The following CCDC88C variants were observed in gnomAD, a reference collection of about 807,000 sequenced individuals.
The protein encoded by CCDC88C is coiled-coil and HOOK domain protein 88C.
CCDC88C carries 131 observed loss-of-function variants against 198.8 expected under a neutral mutation model. The observed-to-expected ratio is 0.66, with a 90% CI of 0.57 to 0.76. CCDC88C has a LOEUF of 0.76. CCDC88C is among the 30% of genes least tolerant of loss of function. The pLI is 0.00. For synonymous variants in CCDC88C, 1,166 were observed against 1,114.7 expected (o/e 1.05, Z -0.92); for missense variants, 2,553 against 2,631.6 (o/e 0.97, Z 0.65).
intron 22 of CCDC88C, among the ~76,000 whole-genome samples, chr14:91,295,283 A>G (rs147769470): frequency 5.4e-4 from 82 of 152,260 alleles, no homozygotes; most frequent in Non-Finnish European, 1.0e-3. Context: ...AGGTGAAGCT[A>G]TGGCATTTTT....
At chr14:91,377,545 G>GCC (rs1010270955) in intron 3 of CCDC88C, among the ~76,000 whole-genome samples, 1 of 149,994 alleles carries the variant, frequency 6.7e-6, no homozygotes, top group East Asian at 1.9e-4. Flanking sequence ...AATGCAGATG[G>GCC]CCCCCCCCCG....
chr14:91,360,252 T>TCA (rs57026211), intron 3 of CCDC88C, among the ~76,000 whole-genome samples: 2,425 of 144,266 alleles, frequency 0.017, 51 homozygotes, highest in African/African-American at 0.035. Flanking sequence ...GACCCCATCT[T>TCA]CACACACACA....
At chr14:91,350,328 T>C (rs1260949741) in intron 4 of CCDC88C, among the ~76,000 whole-genome samples, 1 of 151,956 alleles carries the variant, frequency 6.6e-6, no homozygotes, top group Non-Finnish European at 1.5e-5. Context: ...GCCTGGCTAA[T>C]TTTTGTATTT....
intron 25 of CCDC88C, among the ~76,000 whole-genome samples, chr14:91,286,611 T>C (rs1296855858): frequency 2.0e-5 from 3 of 152,256 alleles, no homozygotes; most frequent in East Asian, 3.8e-4. Flanking sequence ...ATTTCCATTA[T>C]TTCTTCCTCC....
intron 2 of CCDC88C, among the ~76,000 whole-genome samples, chr14:91,415,299 T>A (rs902298961): frequency 2.6e-5 from 4 of 152,078 alleles, no homozygotes; most frequent in African/African-American, 9.7e-5. Context: ...CAGATTTATG[T>A]TTTTCAATCT....
chr14:91,285,689 GAGAA>G, intron 25 of CCDC88C: 3 of 1,288,906 alleles, frequency 2.3e-6, no homozygotes, highest in Non-Finnish European at 3.0e-6. Flanking sequence ...TCCAATGTCG[GAGAA>G]AGAGAGAGGC....
rs757971736 is a variant in CCDC88C at position 91,314,065 on chromosome 14, C to A, written c.1751G>T (p.Arg584Leu). ...RERSQVSSEARMKDVEKENKA... is the reference protein window; with the variant it reads ...RERSQVSSEALMKDVEKENKA... Reference sequence around the variant, plus strand: ...GTTCTCCTTCTCCACGTCTTTCATGCGGGCCTCACTGCTGACCTGCGACCT... The same window carrying A: ...GTTCTCCTTCTCCACGTCTTTCATGAGGGCCTCACTGCTGACCTGCGACCT... Residue 584 changes from arginine to leucine, a missense_variant, in exon 15 of 30, where the codon CGC becomes CTC. Around this residue, in one of 2 missense-constraint regions of CCDC88C, gnomAD observed 1,260 missense variants for 1,412.0 expected, o/e 0.89. Coordinates refer to ENST00000389857, the MANE Select transcript of CCDC88C (RefSeq NM_001080414.4). 3.1e-6 allele frequency: 5 copies of A among 1,613,710 alleles called. No individual in the cohort carries two copies. Among genetic ancestry groups the A allele is most frequent in the African/African-American group, 1.3e-5 (1 of 74,878 alleles).
rs77603662 is a variant in CCDC88C, at chr14:91,317,783, C to T, written c.1528-1996G>A. Among the ~76,000 whole-genome samples, 1,397 of 152,216 alleles carry T rather than the reference C, an allele frequency of 9.2e-3. 21 individuals carry two copies. Among genetic ancestry groups the T allele is most frequent in the African/African-American group, 0.032 (1,329 of 41,520 alleles). On this transcript the variant is annotated intron_variant, in intron 13 of 29. Transcript: ENST00000389857. ...CGAGGGCCACGGCAGGAGAGGCTGG[C>T]GTCGGGCCAGGGAGGAAGTGGGTAG...
chr14:91,412,746 T>C (rs75927235), intron 2 of CCDC88C, among the ~76,000 whole-genome samples: 4 of 152,216 alleles, frequency 2.6e-5, no homozygotes, highest in Non-Finnish European at 5.9e-5. Context: ...GTTTGTATAA[T>C]TTTTAAGGAC....
intron 27 of CCDC88C, among the ~76,000 whole-genome samples, chr14:91,280,514 A>G (rs1022753698): frequency 7.2e-5 from 11 of 152,236 alleles, no homozygotes; most frequent in African/African-American, 2.2e-4. Context: ...AAATTTCAGT[A>G]TAAGGAAACC....
chr14:91,303,653 C>T, intron 20 of CCDC88C, 48 bp downstream of exon 20: 1 of 1,511,524 alleles, frequency 6.6e-7, no homozygotes, highest in Non-Finnish European at 8.9e-7. Context: ...CCAGCCTCTC[C>T]TCTGGACTCT....
At chr14:91,323,596 G>C in intron 12 of CCDC88C, among the ~76,000 whole-genome samples, 1 of 152,172 alleles carries the variant, frequency 6.6e-6, no homozygotes, top group East Asian at 1.9e-4. Context: ...CTAGGCACTA[G>C]GAGTTGACAA....
chr14:91,402,501 CTG>C (rs148212623), intron 3 of CCDC88C, among the ~76,000 whole-genome samples: 1 of 151,828 alleles, frequency 6.6e-6, no homozygotes, highest in South Asian at 2.1e-4. Flanking sequence ...TCACACAAAG[CTG>C]TGTGTGTGTG....
At chr14:91,331,324 G>A (rs1892815909) in intron 10 of CCDC88C, among the ~76,000 whole-genome samples, 1 of 152,218 alleles carries the variant, frequency 6.6e-6, no homozygotes, top group Admixed American at 6.5e-5. Context: ...CATGTCCCAA[G>A]CACCTTTTCC....
intron 4 of CCDC88C, among the ~76,000 whole-genome samples, chr14:91,345,429 G>T (rs905659265): frequency 4.6e-5 from 7 of 151,930 alleles, no homozygotes; most frequent in Non-Finnish European, 7.4e-5. Flanking sequence ...CTGACCTCGT[G>T]ATCTGCTCGC....
In CCDC88C at chr14:91,294,235, C is replaced by T. The variant is rs771642673; in HGVS notation, c.4050G>A (p.Gln1350=). The T allele has an allele frequency of 4.3e-6, 7 of 1,613,918 alleles. No homozygotes were observed. In the East Asian group the frequency reaches 1.6e-4, roughly 36 times the overall value. The change falls in exon 23 of 30, where the codon CAG becomes CAA. Residue 1350 remains glutamine, a synonymous_variant. Transcript: ENST00000389857. ...SQIQLLSQQN[Q]MLLEQNMENK... ...TCTCCATGTTCTGCTCCAGAAGCAT[C>T]TGGTTCTGCTGGCTCAACAGCTGGA...
Position 91,289,272 on chromosome 14 carries a change from C to T in CCDC88C, c.4274G>A (p.Arg1425His), listed in dbSNP as rs1213243826. Residue 1425 changes from arginine (R) to histidine (H), a missense_variant, in exon 25 of 30, where the codon CGC becomes CAC. Around this residue, in one of 2 missense-constraint regions of CCDC88C, gnomAD observed 1,293 missense variants for 1,219.6 expected, o/e 1.06. Transcript: ENST00000389857. Reference protein sequence around the residue: ...IKPKKEGSRERLKSTVDSPPW... With the variant: ...IKPKKEGSREHLKSTVDSPPW... ...AGGGCTGTCCACGGTGGATTTTAAG[C>T]GTTCCCTCGAACCCTCTTTCTTTGG... 8 of 1,613,916 alleles carry T rather than the reference C, an allele frequency of 5.0e-6. 1 individual carries two copies. The highest frequency in any genetic ancestry group is 4.4e-5 in the South Asian group (4 of 91,088).
At chr14:91,285,336 G>A (rs1890357178) in intron 25 of CCDC88C, 1 of 425,662 alleles carries the variant, frequency 2.3e-6, no homozygotes, top group African/African-American at 2.0e-5. Flanking sequence ...TTGACACACG[G>A]GCAAAACATA....
chr14:91,358,390 G>A (rs1281093695), intron 4 of CCDC88C, among the ~76,000 whole-genome samples: 2 of 152,172 alleles, frequency 1.3e-5, no homozygotes, highest in Non-Finnish European at 2.9e-5. Context: ...CTTTTCCTGT[G>A]TTCCTTGACC....
Sources: allele counts gnomAD v4.1 joint callset (sites outside exome capture counted in the v4.1 genomes callset), GRCh38; gene constraint gnomAD v4.1.1; regional missense constraint gnomAD v4.1.1; transcripts MANE v1.5; gene names NCBI Gene and HGNC (gene_info 2026-07-23, HGNC 2026-07-21).